ARHGAP42: variants seen among roughly 807,000 people sequenced by gnomAD.
ARHGAP42 encodes the protein Rho GTPase activating protein 42, also known as rho GTPase-activating protein 42.
A neutral mutation model predicts 125.0 loss-of-function variants in ARHGAP42; 63 were observed. The observed-to-expected ratio is 0.50, with a 90% CI of 0.41 to 0.62. The LOEUF (loss-of-function observed/expected upper bound fraction) is 0.62. ARHGAP42 is among the 20% of genes least tolerant of loss of function. The pLI is 0.00. For missense variants in ARHGAP42, 766 were observed against 1,024.2 expected (o/e 0.75, Z 3.44); for synonymous variants, 339 against 351.0 (o/e 0.97, Z 0.38).
chr11:100,958,511 C>T (rs1857867042), intron 12 of ARHGAP42, among the ~76,000 whole-genome samples: 1 of 135,414 alleles, frequency 7.4e-6, no homozygotes, highest in Non-Finnish European at 1.6e-5. Flanking sequence ...TTTTAGAGTA[C>T]TAAACACATA....
intron 3 of ARHGAP42, among the ~76,000 whole-genome samples, chr11:100,797,043 A>G (rs566736931): frequency 2.0e-4 from 30 of 152,332 alleles, no homozygotes; most frequent in African/African-American, 6.7e-4. Flanking sequence ...CTGGGATTAC[A>G]GGCGTGAGCC....
At chr11:100,940,594 G>T (rs973518951) in intron 8 of ARHGAP42, among the ~76,000 whole-genome samples, 3 of 152,102 alleles carry the variant, frequency 2.0e-5, no homozygotes, top group South Asian at 4.1e-4. Flanking sequence ...TGGTATTTTT[G>T]GGGGAAAAGA....
intron 2 of ARHGAP42, among the ~76,000 whole-genome samples, chr11:100,772,360 C>T (rs994019110): frequency 1.3e-5 from 2 of 152,152 alleles, no homozygotes; most frequent in Non-Finnish European, 2.9e-5. Context: ...ATGCATACAT[C>T]ATTGTGATCA....
chr11:100,710,713 G>T (rs1327879253), intron 1 of ARHGAP42, among the ~76,000 whole-genome samples: 1 of 151,504 alleles, frequency 6.6e-6, no homozygotes, highest in Non-Finnish European at 1.5e-5. Flanking sequence ...GCTAATTTTT[G>T]TATTTTTAGT....
intron 7 of ARHGAP42, among the ~76,000 whole-genome samples, chr11:100,935,012 C>A (rs1195197559): frequency 4.0e-5 from 6 of 151,460 alleles, no homozygotes; most frequent in Admixed American, 3.9e-4. Flanking sequence ...AATAAAATTA[C>A]ATTAAGATTC....
chr11:100,808,596 G>A (rs1288513717), intron 3 of ARHGAP42, among the ~76,000 whole-genome samples: 16 of 150,730 alleles, frequency 1.1e-4, no homozygotes, highest in African/African-American at 3.9e-4. Flanking sequence ...TAGTAGAGAC[G>A]GGGTTTCACC....
chr11:100,831,962 A>T (rs1864672191), intron 3 of ARHGAP42, among the ~76,000 whole-genome samples: 2 of 152,220 alleles, frequency 1.3e-5, no homozygotes, highest in South Asian at 4.1e-4. Flanking sequence ...AATTGATCAA[A>T]TAGGACTTTA....
At chr11:100,836,473 A>C (rs564260174) in intron 3 of ARHGAP42, among the ~76,000 whole-genome samples, 7 of 152,080 alleles carry the variant, frequency 4.6e-5, no homozygotes, top group Non-Finnish European at 1.0e-4. Context: ...CATTGGAAGA[A>C]CTCTGAGTTA....
intron 17 of ARHGAP42, among the ~76,000 whole-genome samples, chr11:100,972,358 A>G (rs1285040482): frequency 6.6e-6 from 1 of 152,200 alleles, no homozygotes. Flanking sequence ...TGAACTAGTC[A>G]AAGTCGTTCT....
rs1051278446 is a variant in ARHGAP42, at chr11:100,906,522, T to C, written c.385-6930T>C. Among the ~76,000 whole-genome samples the C allele has an allele frequency of 5.3e-5, 8 of 152,306 alleles. No homozygotes were observed. The East Asian group carries it at 1.5e-3, about 29-fold the overall frequency. ...AAACATTTTATGATGACATGCCTTTTGTTTATTTTCTCATTCATTGTACAG... is the reference window on the plus strand; with the variant it reads ...AAACATTTTATGATGACATGCCTTTCGTTTATTTTCTCATTCATTGTACAG... On this transcript the variant is annotated intron_variant, in intron 4 of 23. Coordinates refer to ENST00000298815, the MANE Select transcript of ARHGAP42 (RefSeq NM_152432.4).
intron 3 of ARHGAP42, among the ~76,000 whole-genome samples, chr11:100,818,419 G>A (rs1864322734): frequency 1.3e-5 from 2 of 152,182 alleles, no homozygotes; most frequent in Admixed American, 1.3e-4. Flanking sequence ...CACACAGGCA[G>A]ACTGTTACCC....
chr11:100,848,961 G>A (rs1229458168), intron 3 of ARHGAP42, among the ~76,000 whole-genome samples: 1 of 152,136 alleles, frequency 6.6e-6, no homozygotes, highest in African/African-American at 2.4e-5. Context: ...TGTCTCAAAT[G>A]TCTCAAGCTG....
At chr11:100,915,440 A>G (rs1459406261) in intron 5 of ARHGAP42, among the ~76,000 whole-genome samples, 1 of 152,168 alleles carries the variant, frequency 6.6e-6, no homozygotes, top group Non-Finnish European at 1.5e-5. Flanking sequence ...GACTACAGGA[A>G]AATTATGGGT....
chr11:100,823,489 T>C (rs886100802), intron 3 of ARHGAP42, among the ~76,000 whole-genome samples: 6 of 152,126 alleles, frequency 3.9e-5, no homozygotes, highest in Non-Finnish European at 5.9e-5. Flanking sequence ...ATCAAATTTA[T>C]GTGATTGAGA....
intron 3 of ARHGAP42, among the ~76,000 whole-genome samples, chr11:100,800,136 C>G (rs1863817129): frequency 6.6e-6 from 1 of 152,160 alleles, no homozygotes; most frequent in African/African-American, 2.4e-5. Context: ...GAACTGTAAA[C>G]AGTAAGCACA....
intron 4 of ARHGAP42, among the ~76,000 whole-genome samples, chr11:100,907,069 A>G (rs903854682): frequency 3.9e-5 from 6 of 152,226 alleles, no homozygotes; most frequent in Middle Eastern, 3.2e-3. Flanking sequence ...GTTTCCCTCT[A>G]AAAAGACTTC....
intron 1 of ARHGAP42, among the ~76,000 whole-genome samples, chr11:100,737,937 T>A (rs955146434): frequency 2.0e-5 from 3 of 152,210 alleles, no homozygotes; most frequent in African/African-American, 7.2e-5. Context: ...GGTCATTTCT[T>A]TTTTTCATCA....
chr11:100,796,975 G>A (rs1863732229), intron 3 of ARHGAP42, among the ~76,000 whole-genome samples: 1 of 152,012 alleles, frequency 6.6e-6, no homozygotes, highest in Non-Finnish European at 1.5e-5. Flanking sequence ...CACCATGTTG[G>A]TCAGGCTGGT....
intron 4 of ARHGAP42, among the ~76,000 whole-genome samples, chr11:100,901,797 C>T (rs1232623131): frequency 1.3e-5 from 2 of 152,176 alleles, no homozygotes; most frequent in Admixed American, 6.5e-5. Context: ...GGAAGTGTCC[C>T]GTTTTTCCAG....
Sources: allele counts gnomAD v4.1 joint callset (sites outside exome capture counted in the v4.1 genomes callset), GRCh38; gene constraint gnomAD v4.1.1; transcripts MANE v1.5; gene names NCBI Gene and HGNC (gene_info 2026-07-23, HGNC 2026-07-21).